The following FOXP4 variants were observed in gnomAD, a reference collection of about 807,000 sequenced individuals.
FOXP4 encodes forkhead box protein P4.
A neutral mutation model predicts 82.6 loss-of-function variants in FOXP4; 25 were observed. The observed-to-expected ratio is 0.30, with a 90% confidence interval of 0.22 to 0.42. The LOEUF (loss-of-function observed/expected upper bound fraction) is 0.42, where lower values mean the gene tolerates loss of function less well. FOXP4 is among the 10% of genes least tolerant of loss of function. The pLI is 1.00. For synonymous variants in FOXP4, 415 were observed against 388.2 expected, an observed-to-expected ratio of 1.07 and a Z score of -0.81; for missense variants, 785 against 900.9, an observed-to-expected ratio of 0.87 and a Z score of 1.65.
intron 12 of FOXP4, among the ~76,000 whole-genome samples, chr6:41,590,816 A>T (rs1766471299): frequency 6.6e-6 from 1 of 152,096 alleles, no homozygotes; most frequent in South Asian, 2.1e-4. Context: ...TCACACACAC[A>T]CTGTGCTTAG....
intron 2 of FOXP4, among the ~76,000 whole-genome samples, chr6:41,571,748 T>C (rs915027752): frequency 1.3e-5 from 2 of 152,052 alleles, no homozygotes; most frequent in African/African-American, 4.8e-5. Flanking sequence ...ACCTTCCTTG[T>C]CCCCCCTCTC....
At chr6:41,595,339 G>T (rs1282284929) in intron 14 of FOXP4, among the ~76,000 whole-genome samples, 2 of 152,000 alleles carry the variant, frequency 1.3e-5, no homozygotes, top group Non-Finnish European at 2.9e-5. Flanking sequence ...TGGGTGAGGG[G>T]CTGCCACCCC....
intron 1 of FOXP4, among the ~76,000 whole-genome samples, chr6:41,553,045 G>A (rs1347326630): frequency 1.3e-5 from 2 of 152,164 alleles, no homozygotes; most frequent in Non-Finnish European, 2.9e-5. Context: ...GGCAAGAAGA[G>A]ACCTGAAGGT....
At position 41,585,514 on chromosome 6, in the gene FOXP4, A is replaced by C; in HGVS notation, c.507A>C (p.Lys169Asn). 1 of 1,613,680 alleles carries C rather than the reference A, an allele frequency of 6.2e-7. No individual in the cohort carries two copies. The highest frequency in any genetic ancestry group is 8.5e-7 in the Non-Finnish European group (1 of 1,179,838). The change falls in exon 5 of 17, where the codon AAA (lysine) becomes AAC (asparagine). Residue 169 changes from lysine to asparagine, a missense_variant. By Grantham distance (94) the Lys-to-Asn change is moderately conservative. Transcript: ENST00000307972. ...AGCAGGCTGGGAAACCGCAGCCCAA[A>C]GAGGTAAGGGGCTGTACCAGGGCCC... ...TQQQAGKPQP[K>N]EALGNKQLAF...
At chr6:41,549,477 G>C (rs578067485) in intron 1 of FOXP4, among the ~76,000 whole-genome samples, 1 of 152,176 alleles carries the variant, frequency 6.6e-6, no homozygotes, top group South Asian at 2.1e-4. Context: ...AGGCAGGTAG[G>C]TCCCTTCTTG....
chr6:41,573,854 C>T (rs568790458), intron 2 of FOXP4, among the ~76,000 whole-genome samples: 2 of 152,300 alleles, frequency 1.3e-5, no homozygotes, highest in African/African-American at 4.8e-5. Context: ...GACGTCCATG[C>T]ATGAATGGAC....
chr6:41,591,217 G>A lies in FOXP4; in HGVS notation c.1435-4G>A, dbSNP rs141395112. The stretch of plus-strand genomic sequence containing the variant: ...CGGTCCCTTTGCTTGTTCCTTCCCC[G>A]CAGGCCATCCTGGAAACCCCTGACA... On this transcript the variant is annotated splice_polypyrimidine_tract_variant and splice_region_variant and intron_variant, in intron 12 of 16. Coordinates refer to ENST00000307972, the MANE Select transcript of FOXP4 (RefSeq NM_001012426.2). This position sits in a 1 kb window ranked among gnomAD's most constrained non-coding sequence, Gnocchi z 4.2. 320 of 1,604,550 alleles carry A rather than the reference G, an allele frequency of 2.0e-4. 3 individuals carry two copies. The East Asian group carries it at 4.3e-3, about 22-fold the overall frequency.
chr6:41,590,510 C>T lies in FOXP4; in HGVS notation c.1434+163C>T, dbSNP rs1386636955. On this transcript the variant is annotated intron_variant, in intron 12 of 16. Coordinates refer to ENST00000307972, the MANE Select transcript of FOXP4 (RefSeq NM_001012426.2). ...CTCTCTGCTGTGCGGGGCTCTCCTG[C>T]AGGCTGGGCCCTGTCAGCCTGCTGC... 2.0e-5 allele frequency among the ~76,000 whole-genome samples: 3 copies of T among 152,196 alleles called. No homozygotes were observed. The South Asian group carries it at 6.2e-4, about 31-fold the overall frequency.
chr6:41,587,225 G>GC (rs971139694), intron 6 of FOXP4, 69 bp downstream of exon 6: 1 of 1,607,868 alleles, frequency 6.2e-7, no homozygotes, highest in Non-Finnish European at 8.5e-7. Context: ...ACAGCTGGCA[G>GC]CCCCTGTTCT....
At chr6:41,586,833 G>T (rs1766158573) in intron 5 of FOXP4, among the ~76,000 whole-genome samples, 176 bp from the exon 6 acceptor site, 1 of 152,204 alleles carries the variant, frequency 6.6e-6, no homozygotes, top group Non-Finnish European at 1.5e-5. Context: ...CTGCGAGGAG[G>T]CATGCAGCCT....
chr6:41,560,028 A>G (rs998865553), intron 1 of FOXP4, among the ~76,000 whole-genome samples: 2 of 152,214 alleles, frequency 1.3e-5, no homozygotes, highest in African/African-American at 4.8e-5. Context: ...CTCTTATTGC[A>G]ATCTGCTTCC....
chr6:41,595,091 C>G (rs1055729853), intron 14 of FOXP4, 100 bp downstream of exon 14: 3 of 1,534,892 alleles, frequency 2.0e-6, no homozygotes, highest in Admixed American at 1.9e-5. Flanking sequence ...TGCACCAGAT[C>G]CTTCCTGGCT....
chr6:41,587,973 G>C, intron 8 of FOXP4, 76 bp downstream of exon 8: 6 of 761,882 alleles, frequency 7.9e-6, no homozygotes, highest in Non-Finnish European at 1.3e-5. Context: ...CCACTAGCTT[G>C]CCCCTTCTGG....
intron 1 of FOXP4, among the ~76,000 whole-genome samples, chr6:41,550,986 G>A (rs1429906791): frequency 2.0e-5 from 3 of 152,308 alleles, no homozygotes; most frequent in African/African-American, 7.2e-5. Context: ...GAAGCAAAAG[G>A]AAACTCCCCT....
At chr6:41,592,300 T>C (rs962172535) in intron 13 of FOXP4, among the ~76,000 whole-genome samples, 2 of 152,198 alleles carry the variant, frequency 1.3e-5, no homozygotes, top group African/African-American at 2.4e-5. Flanking sequence ...CTGCCTACCC[T>C]TTGCCCTGGG....
chr6:41,602,146 T>G lies in FOXP4; in HGVS notation c.*3210T>G, dbSNP rs1767236325. ...ACAGCCCTAATCCTCTGGACGCTTG[T>G]GTAGGGCCTGGGGTGAATTCCCTGT... On this transcript the variant is annotated 3_prime_UTR_variant, in exon 17 of 17. Coordinates refer to ENST00000307972, the MANE Select transcript of FOXP4 (RefSeq NM_001012426.2). 6.6e-6 allele frequency: 1 copy of G among 152,238 alleles called. No individual in the cohort carries two copies. The highest frequency in any genetic ancestry group is 1.5e-5 in the Non-Finnish European group (1 of 68,064). The allele number at this position is 152,238 out of a possible 1,614,324, so 9.4% of individuals were successfully genotyped here.
At position 41,578,097 on chromosome 6, in the gene FOXP4, C is replaced by A; in HGVS notation, c.300+16C>A. ...TGCTGTGCAGGTGAGGAAGAGAGCA[C>A]CCCGCTGGCTCTGGGTTGGGCTGGA... On this transcript the variant is annotated intron_variant, in intron 3 of 16. Coordinates refer to ENST00000307972, the MANE Select transcript of FOXP4 (RefSeq NM_001012426.2). 6.2e-7 allele frequency: 1 copy of A among 1,607,466 alleles called. No individual in the cohort carries two copies.
intron 13 of FOXP4, among the ~76,000 whole-genome samples, chr6:41,592,867 G>A (rs1045200302): frequency 2.0e-5 from 3 of 152,036 alleles, no homozygotes; most frequent in African/African-American, 7.2e-5. Flanking sequence ...CCCTTGCCCA[G>A]CCCAGCCTTT....
At chr6:41,553,538 G>A (rs1361764119) in intron 1 of FOXP4, among the ~76,000 whole-genome samples, 3 of 152,194 alleles carry the variant, frequency 2.0e-5, no homozygotes, top group Admixed American at 6.5e-5. Flanking sequence ...TACTGGCTGG[G>A]ATTTGCCCTT....
Sources: allele counts gnomAD v4.1 joint callset (sites outside exome capture counted in the v4.1 genomes callset), GRCh38; gene constraint gnomAD v4.1.1; non-coding constraint Gnocchi (gnomAD v3.1); transcripts MANE v1.5; gene names NCBI Gene and HGNC (gene_info 2026-07-23, HGNC 2026-07-21).